SBNO2: variants seen among roughly 807,000 people sequenced by gnomAD.
SBNO2 encodes protein strawberry notch homolog 2.
Under a neutral mutation model 146.3 loss-of-function variants are expected in SBNO2, and 89 were observed. The observed-to-expected ratio is 0.61, with a 90% CI of 0.51 to 0.73. The LOEUF (loss-of-function observed/expected upper bound fraction) is 0.73. Ranked by LOEUF, SBNO2 falls within the 30% of genes least tolerant of loss-of-function variation. The probability of loss-of-function intolerance (pLI) is 0.00; values close to 1 mark genes in which losing one functional copy is unlikely to be tolerated. For synonymous variants in SBNO2, 1,147 were observed against 892.6 expected (o/e 1.29, Z -5.08); for missense variants, 2,092 against 2,003.7 (o/e 1.04, Z -0.84).
At chr19:1,128,341 G>A (rs2079991147) in intron 4 of SBNO2, 5 of 363,142 alleles carry the variant, frequency 1.4e-5, no homozygotes, top group South Asian at 1.0e-4. Context: ...GGCTCGCCAT[G>A]GGGATGACAC....
chr19:1,164,112 T>G (rs895953384), intron 1 of SBNO2, among the ~76,000 whole-genome samples: 1 of 152,192 alleles, frequency 6.6e-6, no homozygotes, highest in Admixed American at 6.5e-5. Context: ...CTCAAGGGTG[T>G]TGGCCGTGGG....
intron 1 of SBNO2, among the ~76,000 whole-genome samples, chr19:1,156,074 G>A (rs1247753457): frequency 6.6e-6 from 1 of 152,110 alleles, no homozygotes; most frequent in Non-Finnish European, 1.5e-5. Context: ...GGCAGCTCTG[G>A]GGCGACCCCA....
At position 1,122,987 on chromosome 19, in the gene SBNO2, G is replaced by A. The variant is rs1240003074; in HGVS notation, c.687C>T (p.Val229=). The change falls in exon 8 of 32, where the codon GTC becomes GTT. Residue 229 remains valine (V), a synonymous_variant. Coordinates refer to ENST00000361757, the MANE Select transcript of SBNO2 (RefSeq NM_014963.3). ...RVVETSTLSS[V]PPPDITYTLA... is the part of the protein sequence containing the mutation. ...GGGTGTAGGTGATGTCTGGGGGTGG[G>A]ACGCTGGACAGTGTGCTGGTCTCCA... 6 of 1,579,528 alleles carry A rather than the reference G, an allele frequency of 3.8e-6. No individual in the cohort carries two copies. Among genetic ancestry groups the A allele is most frequent in the Non-Finnish European group, 4.3e-6 (5 of 1,163,486 alleles).
intron 12 of SBNO2, 88 bp from the exon 13 acceptor site, chr19:1,119,709 G>T: frequency 8.6e-7 from 1 of 1,168,294 alleles, no homozygotes; most frequent in Non-Finnish European, 1.2e-6. Flanking sequence ...CACCCGACGA[G>T]GGGCCCTGCG....
intron 11 of SBNO2, among the ~76,000 whole-genome samples, chr19:1,121,439 C>G (rs2079900028): frequency 6.6e-6 from 1 of 152,208 alleles, no homozygotes; most frequent in Non-Finnish European, 1.5e-5. Flanking sequence ...GTTAACTGAA[C>G]AGCAAAGCCA....
chr19:1,124,020 C>G lies in SBNO2; in HGVS notation c.444G>C (p.Leu148=), dbSNP rs746014748. The G allele has an allele frequency of 6.2e-7, 1 of 1,610,742 alleles. No individual in the cohort carries two copies. Among genetic ancestry groups the G allele is most frequent in the East Asian group, 2.2e-5 (1 of 44,860 alleles). The part of the protein sequence containing the change: ...DNPAPSTHDK[L]FQLSRPFAGF... The stretch of plus-strand genomic sequence containing the variant: ...CTGCAAACGGCCTGCTGAGCTGGAA[C>G]AGCTGGAAGGGGAGCAGGATGTCAG... Residue 148 remains leucine, a splice_region_variant and synonymous_variant, in exon 6 of 32, where the codon CTG becomes CTC. Transcript: ENST00000361757.
chr19:1,124,093 G>A (rs770935278), intron 5 of SBNO2, 71 bp from the exon 6 acceptor site: 12 of 1,424,212 alleles, frequency 8.4e-6, no homozygotes, highest in Non-Finnish European at 1.2e-5. Context: ...TCGCAGCCTG[G>A]CCACCAGAGG....
intron 5 of SBNO2, 200 bp downstream of exon 5, chr19:1,127,404 G>A (rs564250617): frequency 1.2e-5 from 7 of 600,618 alleles, no homozygotes; most frequent in South Asian, 7.9e-5. Context: ...TGTCCTGGAC[G>A]TCGCCTTCTC....
intron 18 of SBNO2, 23 bp from the exon 19 acceptor site, chr19:1,113,727 G>A (rs758614265): frequency 6.7e-7 from 1 of 1,482,180 alleles, no homozygotes; most frequent in Admixed American, 2.6e-5. Context: ...TGGAGGGTCA[G>A]GGCAGGACAT....
chr19:1,126,846 C>G lies in SBNO2; in HGVS notation c.441+758G>C, dbSNP rs938006652. 6.6e-6 allele frequency among the ~76,000 whole-genome samples: 1 copy of G among 152,208 alleles called. No homozygotes were observed. The highest frequency in any genetic ancestry group is 1.5e-5 in the Non-Finnish European group (1 of 68,026). ...GGGAAGGGACTTGCCAGGCCTGGCT[C>G]CCAGCCATGCCTCCCTCACCAGACA... On this transcript the variant is annotated intron_variant, in intron 5 of 31. Coordinates refer to ENST00000361757, the MANE Select transcript of SBNO2 (RefSeq NM_014963.3). This position sits in a 1 kb window ranked among gnomAD's most constrained non-coding sequence, Gnocchi z 4.4.
chr19:1,165,292 G>A (rs1347055482), intron 1 of SBNO2, among the ~76,000 whole-genome samples: 1 of 152,176 alleles, frequency 6.6e-6, no homozygotes, highest in Admixed American at 6.5e-5. Flanking sequence ...AGGGAATAAA[G>A]GAGGCCCTGG....
At position 1,108,491 on chromosome 19, in the gene SBNO2, G is replaced by A. The variant is rs927572209; in HGVS notation, c.3830C>T (p.Pro1277Leu). ...AFPPPPHFSF[P>L]APLSLDAGPG... ...GCCGGCGTCCAGGGACAGCGGCGCC[G>A]GGAAAGAGAAGTGCGGGGGCGGCGG... Residue 1277 changes from proline (P) to leucine (L), a missense_variant, in exon 32 of 32, where the codon CCG becomes CTG. By Grantham distance (98) the Pro-to-Leu change is moderately conservative. Transcript: ENST00000361757. 7.4e-6 allele frequency: 9 copies of A among 1,220,032 alleles called. No homozygotes were observed. Among genetic ancestry groups the A allele is most frequent in the Admixed American group, 4.6e-5 (1 of 21,548 alleles). 75.6% of individuals were successfully genotyped at this position (1,220,032 alleles called of 1,614,324 possible).
intron 4 of SBNO2, among the ~76,000 whole-genome samples, chr19:1,142,116 T>A (rs60618445): frequency 0.012 from 302 of 25,424 alleles, 1 homozygote; most frequent in African/African-American, 0.017. Flanking sequence ...ACCTCCCTCA[T>A]GATCAACCCT....
intron 4 of SBNO2, among the ~76,000 whole-genome samples, chr19:1,143,402 G>A (rs2080158121): frequency 6.6e-6 from 1 of 152,166 alleles, no homozygotes; most frequent in South Asian, 2.1e-4. Flanking sequence ...AGCCCAGGAG[G>A]TGGAGGCTGC....
chr19:1,111,550 G>T lies in SBNO2; in HGVS notation c.2765C>A (p.Pro922His), dbSNP rs1053016858. 1.3e-6 allele frequency: 2 copies of T among 1,596,564 alleles called. No homozygotes were observed. Among genetic ancestry groups the T allele is most frequent in the East Asian group, 4.5e-5 (2 of 44,106 alleles). Reference sequence around the variant, plus strand: ...CCCTCCAGGGTATCCCTGGGGCACAGGCACTTTGTTCTCAGTCTGGCTCAG... The same window carrying T: ...CCCTCCAGGGTATCCCTGGGGCACATGCACTTTGTTCTCAGTCTGGCTCAG... ...TILSQTENKV[P>H]VPQGYPGGVP... Residue 922 changes from proline to histidine, a missense_variant, in exon 24 of 32, where the codon CCT becomes CAT. Transcript: ENST00000361757.
chr19:1,111,485 A>AC, intron 24 of SBNO2, 21 bp downstream of exon 24: 1 of 1,504,982 alleles, frequency 6.6e-7, no homozygotes, highest in Non-Finnish European at 9.1e-7. Context: ...TCCCAGGAAG[A>AC]CCCCCACCAG....
At chr19:1,155,166 G>C (rs1401306578) in intron 1 of SBNO2, 1 of 152,286 alleles carries the variant, frequency 6.6e-6, no homozygotes, top group Non-Finnish European at 1.5e-5. Context: ...TCACTGCCGA[G>C]GGCGGCAGGA....
At position 1,118,229 on chromosome 19, in the gene SBNO2, G is replaced by A. The variant is rs184437693; in HGVS notation, c.1528-730C>T. Among the ~76,000 whole-genome samples, 11 of 152,250 alleles carry A rather than the reference G, an allele frequency of 7.2e-5. No homozygotes were observed. The East Asian group carries it at 9.7e-4, about 13-fold the overall frequency. Reference sequence around the variant, plus strand: ...GGCACATGCCTGTAACCCCAGCTACGCGGGAGGCTGAGGCAGGAGAATTGC... The same window carrying A: ...GGCACATGCCTGTAACCCCAGCTACACGGGAGGCTGAGGCAGGAGAATTGC... On this transcript the variant is annotated intron_variant, in intron 14 of 31. Coordinates refer to ENST00000361757, the MANE Select transcript of SBNO2 (RefSeq NM_014963.3).
chr19:1,138,329 A>G (rs2080103872), intron 4 of SBNO2, among the ~76,000 whole-genome samples: 1 of 151,340 alleles, frequency 6.6e-6, no homozygotes, highest in Non-Finnish European at 1.5e-5. Flanking sequence ...CTGGGCCTGG[A>G]GCAGGGGACC....
Sources: allele counts gnomAD v4.1 joint callset (sites outside exome capture counted in the v4.1 genomes callset), GRCh38; gene constraint gnomAD v4.1.1; non-coding constraint Gnocchi (gnomAD v3.1); transcripts MANE v1.5; gene names NCBI Gene and HGNC (gene_info 2026-07-23, HGNC 2026-07-21).